DPP6: variants seen among roughly 807,000 people sequenced by gnomAD.
DPP6 encodes the protein A-type potassium channel modulatory protein DPP6.
In DPP6, 69 loss-of-function variants were observed where a neutral mutation model predicts 122.6. The ratio of observed to expected loss-of-function variants is 0.56; its 90% CI spans 0.46 to 0.69. The LOEUF is 0.69. Ranked by LOEUF, DPP6 falls within the 30% of genes least tolerant of loss-of-function variation. DPP6 has a pLI of 0.00. For synonymous variants in DPP6, 418 were observed against 433.1 expected, an observed-to-expected ratio of 0.97 and a Z score of 0.43; for missense variants, 928 against 1,116.9, an observed-to-expected ratio of 0.83 and a Z score of 2.41.
At chr7:154,303,722 C>T (rs541485883) in intron 1 of DPP6, among the ~76,000 whole-genome samples, 2 of 152,274 alleles carry the variant, frequency 1.3e-5, no homozygotes, top group African/African-American at 4.8e-5. Context: ...TTCTTTACCC[C>T]TGGCCGAACC....
At chr7:154,783,669 C>T (rs1797164662) in intron 10 of DPP6, among the ~76,000 whole-genome samples, 1 of 152,216 alleles carries the variant, frequency 6.6e-6, no homozygotes, top group African/African-American at 2.4e-5. Context: ...ATCAATGCTT[C>T]CCTTTGTCCC....
chr7:154,151,885 T>C (rs2150687563), intron 1 of DPP6, among the ~76,000 whole-genome samples: 1 of 151,962 alleles, frequency 6.6e-6, no homozygotes, highest in South Asian at 2.1e-4. Context: ...GCAGGCATGC[T>C]TTTAAAGAGG....
intron 1 of DPP6, among the ~76,000 whole-genome samples, chr7:153,950,887 A>G (rs1802178326): frequency 6.6e-6 from 1 of 152,192 alleles, no homozygotes; most frequent in Non-Finnish European, 1.5e-5. Context: ...GCTGGGGGTC[A>G]ACATGTCTCG....
chr7:154,371,973 G>A (rs1812713522), intron 1 of DPP6, among the ~76,000 whole-genome samples: 1 of 152,104 alleles, frequency 6.6e-6, no homozygotes, highest in Non-Finnish European at 1.5e-5. Flanking sequence ...ATCAAGGGCC[G>A]TCCCTGAAAA....
intron 1 of DPP6, among the ~76,000 whole-genome samples, chr7:153,936,076 G>A (rs1283054879): frequency 6.6e-6 from 1 of 152,122 alleles, no homozygotes; most frequent in African/African-American, 2.4e-5. Context: ...TCCCTTAAGG[G>A]GGAATGTAAA....
At chr7:154,354,975 C>T (rs961071765) in intron 1 of DPP6, among the ~76,000 whole-genome samples, 7 of 152,188 alleles carry the variant, frequency 4.6e-5, no homozygotes, top group African/African-American at 1.7e-4. Flanking sequence ...AGCAGTGAAC[C>T]AGAATGTCAT....
At chr7:154,672,972 T>A (rs1224778338) in intron 7 of DPP6, among the ~76,000 whole-genome samples, 1 of 152,160 alleles carries the variant, frequency 6.6e-6, no homozygotes, top group Non-Finnish European at 1.5e-5. Flanking sequence ...GGGTTATAGT[T>A]TGCTGACCCC....
intron 1 of DPP6, among the ~76,000 whole-genome samples, chr7:154,342,019 C>A (rs543950151): frequency 6.6e-6 from 1 of 152,180 alleles, no homozygotes; most frequent in Non-Finnish European, 1.5e-5. Flanking sequence ...ATCATCTCAT[C>A]ACCTGTGATT....
At chr7:154,252,485 A>G (rs1267452500) in intron 1 of DPP6, among the ~76,000 whole-genome samples, 3 of 152,210 alleles carry the variant, frequency 2.0e-5, no homozygotes, top group Admixed American at 6.5e-5. Flanking sequence ...CTCTATAGAT[A>G]ATGTACTGTC....
Position 154,821,436 on chromosome 7 carries a change from G to C in DPP6, c.1666+14324G>C, listed in dbSNP as rs145271418. Among the ~76,000 whole-genome samples, 14 of 151,648 alleles carry C rather than the reference G, an allele frequency of 9.2e-5. No homozygotes were observed. The highest frequency in any genetic ancestry group is 1.5e-5 in the Non-Finnish European group (1 of 67,952). On this transcript the variant is annotated intron_variant, in intron 16 of 25. Coordinates refer to ENST00000377770, the MANE Select transcript of DPP6 (RefSeq NM_130797.4). The surrounding 1 kb of genome is among the most constrained non-coding windows in gnomAD (Gnocchi z 4.2). The stretch of plus-strand genomic sequence containing the variant: ...ATAGATGAGAGGGAAATGACTGACC[G>C]ATTGATTGGCAGGTAGGAAAATTAA...
chr7:154,211,436 C>T (rs529606855), intron 1 of DPP6, among the ~76,000 whole-genome samples: 1 of 152,150 alleles, frequency 6.6e-6, no homozygotes, highest in Non-Finnish European at 1.5e-5. Flanking sequence ...TGTTTCTTCC[C>T]GACCCCTTCG....
In DPP6 at chr7:154,062,861, T is replaced by C. The variant is rs562252521; in HGVS notation, c.243+9798T>C. On this transcript the variant is annotated intron_variant, in intron 1 of 25. Coordinates refer to ENST00000377770, the MANE Select transcript of DPP6 (RefSeq NM_130797.4). ...GGGACTGCGAGCCAGACCCTCTTCC[T>C]CCCCCAGCTTAGGACCCCCATCGTT... Among the ~76,000 whole-genome samples the C allele has an allele frequency of 1.5e-3, 171 of 113,618 alleles. 21 individuals carry two copies. The highest frequency in any genetic ancestry group is 4.5e-3 in the South Asian group (13 of 2,920). 74.5% of individuals were successfully genotyped at this position (113,618 alleles called of 152,430 possible).
chr7:154,627,189 C>CTTT (rs61163075), intron 5 of DPP6, among the ~76,000 whole-genome samples: 7,732 of 103,250 alleles, frequency 0.075, 492 homozygotes, highest in African/African-American at 0.13. Flanking sequence ...ATTTTTTTTC[C>CTTT]TTTTTTTTTT....
intron 5 of DPP6, among the ~76,000 whole-genome samples, chr7:154,627,543 A>G (rs1240965038): frequency 6.6e-6 from 1 of 152,130 alleles, no homozygotes; most frequent in Non-Finnish European, 1.5e-5. Flanking sequence ...ACTTCATGCA[A>G]ATGGTATAAA....
chr7:153,894,665 C>G (rs191513139), intron 1 of DPP6, among the ~76,000 whole-genome samples: 60 of 152,190 alleles, frequency 3.9e-4, no homozygotes, highest in Non-Finnish European at 6.8e-4. Context: ...GCCACTGGTT[C>G]CTCCTGCCCC....
intron 1 of DPP6, among the ~76,000 whole-genome samples, chr7:153,950,195 A>G (rs11980991): frequency 0.28 from 42,771 of 151,994 alleles, 6,526 homozygotes; most frequent in East Asian, 0.59. Context: ...AAGGGACAGG[A>G]GGCATTTAAG....
chr7:153,933,964 G>GT (rs1424853406), intron 1 of DPP6, among the ~76,000 whole-genome samples: 1 of 152,356 alleles, frequency 6.6e-6, no homozygotes, highest in Middle Eastern at 3.4e-3. Context: ...TTCATGCTTT[G>GT]TCAGTGGCTG....
chr7:154,409,015 A>C lies in DPP6; in HGVS notation c.244-37199A>C, dbSNP rs140855206. On this transcript the variant is annotated intron_variant, in intron 1 of 25. Coordinates refer to ENST00000377770, the MANE Select transcript of DPP6 (RefSeq NM_130797.4). ...AAAATTAGCCAGGTGGTAGTGGTGC[A>C]TGCCTGTAATCCCAGCTGCTCGGAA... is the stretch of plus-strand genomic sequence containing the variant. 2.0e-5 allele frequency among the ~76,000 whole-genome samples: 3 copies of C among 152,156 alleles called. No individual in the cohort carries two copies. The East Asian group carries it at 5.8e-4, about 29-fold the overall frequency.
At chr7:154,402,788 A>T (rs1399170480) in intron 1 of DPP6, among the ~76,000 whole-genome samples, 1 of 139,210 alleles carries the variant, frequency 7.2e-6, no homozygotes, top group African/African-American at 3.4e-5. Flanking sequence ...AAAAATAAAA[A>T]TAAAAATAAA....
Sources: allele counts gnomAD v4.1 joint callset (sites outside exome capture counted in the v4.1 genomes callset), GRCh38; gene constraint gnomAD v4.1.1; non-coding constraint Gnocchi (gnomAD v3.1); transcripts MANE v1.5; gene names NCBI Gene and HGNC (gene_info 2026-07-23, HGNC 2026-07-21).